The following HEXD variants were observed in gnomAD, a reference collection of about 807,000 sequenced individuals.
HEXD encodes the protein N-acetyl-beta-galactosaminidase.
Under a neutral mutation model 54.2 loss-of-function variants are expected in HEXD, and 47 were observed. That is an observed-to-expected ratio of 0.87 (90% CI 0.69 to 1.11). The LOEUF (loss-of-function observed/expected upper bound fraction) is 1.11, where lower values mean the gene tolerates loss of function less well. HEXD is among the 50% of genes least tolerant of loss of function. The pLI, the probability that HEXD is intolerant of heterozygous loss-of-function variation, is 0.00. For synonymous variants in HEXD, 293 were observed against 287.6 expected (o/e 1.02, Z -0.19); for missense variants, 576 against 649.2 (o/e 0.89, Z 1.23).
At chr17:82,424,645 T>G (rs1353385484) in intron 3 of HEXD, 142 bp downstream of exon 3, 2 of 580,184 alleles carry the variant, frequency 3.4e-6, no homozygotes, top group Non-Finnish European at 6.2e-6. Flanking sequence ...CTTTTTTGTC[T>G]TTTTAAATTC....
Position 82,441,161 on chromosome 17 carries a change from G to C in HEXD, c.1062-4G>C, listed in dbSNP as rs373568240. ...ACAGCTGTTCTCAGCAGGGCTCTCC[G>C]CAGGGAGGGGGCCGGCTCCTTCCCT... On this transcript the variant is annotated splice_region_variant and splice_polypyrimidine_tract_variant and intron_variant, in intron 10 of 12. Transcript: ENST00000327949. 2 of 1,613,252 alleles carry C rather than the reference G, an allele frequency of 1.2e-6. No homozygotes were observed. The highest frequency in any genetic ancestry group is 4.5e-5 in the East Asian group (2 of 44,884).
In HEXD at chr17:82,434,509, A is replaced by G. The variant is rs1298766779; in HGVS notation, c.447+687A>G. On this transcript the variant is annotated intron_variant, in intron 5 of 12. Transcript: ENST00000327949. This position sits in a 1 kb window ranked among gnomAD's most constrained non-coding sequence, Gnocchi z 4.5. The stretch of plus-strand genomic sequence containing the variant: ...TCCTTTTTTTGAAGGAAACCTGAGT[A>G]TGTAAAATACACTTAAGCTTTACCA... Among the ~76,000 whole-genome samples the G allele has an allele frequency of 6.6e-6, 1 of 152,224 alleles. No homozygotes were observed. Among genetic ancestry groups the G allele is most frequent in the African/African-American group, 2.4e-5 (1 of 41,456 alleles).
At chr17:82,433,120 ATATATATAT>A (rs1263964764) in intron 4 of HEXD, among the ~76,000 whole-genome samples, 18 of 18,196 alleles carry the variant, frequency 9.9e-4, no homozygotes, top group Non-Finnish European at 1.2e-3. Flanking sequence ...ATATATATAT[ATATATATAT>A]TTTTTTTTTT....
chr17:82,433,128 A>ATATATATTTT (rs71168109), intron 4 of HEXD, among the ~76,000 whole-genome samples: 1 of 13,072 alleles, frequency 7.6e-5, no homozygotes, highest in Non-Finnish European at 1.2e-4. Flanking sequence ...ATATATATAT[A>ATATATATTTT]TTTTTTTTTT....
At chr17:82,439,431 A>T (rs551113342) in intron 8 of HEXD, 200 bp from the exon 9 acceptor site, 3 of 985,338 alleles carry the variant, frequency 3.0e-6, no homozygotes, top group South Asian at 9.4e-5. Flanking sequence ...CGGTTTCTAG[A>T]ACGGAGTTGA....
chr17:82,424,325 C>G, intron 2 of HEXD, 69 bp from the exon 3 acceptor site: 1 of 973,924 alleles, frequency 1.0e-6, no homozygotes, highest in Non-Finnish European at 1.7e-6. Flanking sequence ...AGGCGTCTCC[C>G]TGCTGTGGAC....
At position 82,433,118 on chromosome 17, in the gene HEXD, ATATATATATATTT is replaced by A. The variant is rs1567890566; in HGVS notation, c.283-538_283-526del. ...TATATATATATATATATATATATATATATATATATATTTTTTTTTTTTTTTTATATATATATTT... is the reference window on the plus strand; with the variant it reads ...TATATATATATATATATATATATATATTTTTTTTTTTTTATATATATATTT... On this transcript the variant is annotated intron_variant, in intron 4 of 12. Coordinates refer to ENST00000327949, the MANE Select transcript of HEXD (RefSeq NM_001330542.2). 3.9e-4 allele frequency among the ~76,000 whole-genome samples: 7 copies of A among 18,008 alleles called. 1 individual carries two copies. Among genetic ancestry groups the A allele is most frequent in the Non-Finnish European group, 5.5e-4 (7 of 12,784 alleles). The allele number at this position is 18,008 out of a possible 152,430, so 11.8% of individuals were successfully genotyped here. A position where few individuals can be genotyped will look rare whatever the true frequency, so the allele number is the denominator to read the frequency against.
chr17:82,437,114 G>A lies in HEXD; in HGVS notation c.704-54G>A, dbSNP rs2053792701. Reference sequence around the variant, plus strand: ...GTACAGCCCCGGGAGGCGTGTCCAGGGCCGTGTTGGCCGCCTCCCCTGGAG... The same window carrying A: ...GTACAGCCCCGGGAGGCGTGTCCAGAGCCGTGTTGGCCGCCTCCCCTGGAG... On this transcript the variant is annotated intron_variant, in intron 7 of 12. Coordinates refer to ENST00000327949, the MANE Select transcript of HEXD (RefSeq NM_001330542.2). 2.0e-6 allele frequency: 3 copies of A among 1,472,254 alleles called. No individual in the cohort carries two copies. In the East Asian group the frequency reaches 6.9e-5, roughly 34 times the overall value. 91.2% of individuals were successfully genotyped at this position (1,472,254 alleles called of 1,614,324 possible).
chr17:82,440,420 AC>A lies in HEXD; in HGVS notation c.983-576del, dbSNP rs1162099931. ...AAAGGGGCAGAAACGATAAAAACAGACACCCCTGTACCCCACACTAAAGAGC... is the reference window on the plus strand; with the variant it reads ...AAAGGGGCAGAAACGATAAAAACAGAACCCCTGTACCCCACACTAAAGAGC... On this transcript the variant is annotated intron_variant, in intron 9 of 12. Transcript: ENST00000327949. The A allele has an allele frequency of 6.4e-6, 5 of 777,306 alleles. No individual in the cohort carries two copies. In the African/African-American group the frequency reaches 9.2e-5, roughly 14 times the overall value. 48.2% of individuals were successfully genotyped at this position (777,306 alleles called of 1,614,324 possible). A position where few individuals can be genotyped will look rare whatever the true frequency, so the allele number is the denominator to read the frequency against.
intron 2 of HEXD, 137 bp downstream of exon 2, chr17:82,420,020 G>T: frequency 2.5e-6 from 1 of 405,602 alleles, no homozygotes. Flanking sequence ...GGTGGCAGCA[G>T]CATTGATTTT....
At chr17:82,441,342 G>A (rs2053951049) in intron 11 of HEXD, 76 bp downstream of exon 11, 2 of 1,415,036 alleles carry the variant, frequency 1.4e-6, no homozygotes, top group Non-Finnish European at 1.9e-6. Context: ...GGGCAGGTGT[G>A]GGTGGGAGGC....
At chr17:82,433,094 AT>A (rs1567890410) in intron 4 of HEXD, among the ~76,000 whole-genome samples, 75 of 8,302 alleles carry the variant, frequency 9.0e-3, no homozygotes, top group Middle Eastern at 0.12. Flanking sequence ...AAAAAAAAAT[AT>A]ATATATATAT....
In HEXD at chr17:82,440,874, C is replaced by T. The variant is rs2053922338; in HGVS notation, c.983-123C>T. On this transcript the variant is annotated intron_variant, in intron 9 of 12. Coordinates refer to ENST00000327949, the MANE Select transcript of HEXD (RefSeq NM_001330542.2). Reference sequence around the variant, plus strand: ...GGGGCCGGCACACGCGGGGCTGGGCCTGGCCAGTGGCTCTCCATTGCCGCC... The same window carrying T: ...GGGGCCGGCACACGCGGGGCTGGGCTTGGCCAGTGGCTCTCCATTGCCGCC... 5 of 1,107,652 alleles carry T rather than the reference C, an allele frequency of 4.5e-6. No homozygotes were observed. In the East Asian group the frequency reaches 9.5e-5, roughly 21 times the overall value. The allele number at this position is 1,107,652 out of a possible 1,614,324, so 68.6% of individuals were successfully genotyped here.
At chr17:82,433,634 G>T (rs764395981) in intron 4 of HEXD, 24 bp from the exon 5 acceptor site, 4 of 1,527,882 alleles carry the variant, frequency 2.6e-6, no homozygotes, top group East Asian at 2.5e-5. Flanking sequence ...CGCCCCCAAC[G>T]CGAACTTCTC....
chr17:82,423,809 T>C (rs1396172153), intron 2 of HEXD, among the ~76,000 whole-genome samples: 2 of 131,306 alleles, frequency 1.5e-5, no homozygotes, highest in Non-Finnish European at 3.1e-5. Context: ...CGAGACTCCA[T>C]CTCAAAAAAA....
chr17:82,437,062 C>A, intron 7 of HEXD, 106 bp from the exon 8 acceptor site: 1 of 1,012,104 alleles, frequency 9.9e-7, no homozygotes, highest in Admixed American at 2.3e-5. Context: ...GCCTGGCTGT[C>A]TCAGGCGGCT....
intron 8 of HEXD, among the ~76,000 whole-genome samples, chr17:82,437,582 T>A (rs923644526): frequency 1.3e-5 from 2 of 152,000 alleles, no homozygotes; most frequent in Non-Finnish European, 2.9e-5. Context: ...CACGAACACG[T>A]GGCCCCCAGC....
In HEXD at chr17:82,434,874, G is replaced by A. The variant is rs560079211; in HGVS notation, c.448-815G>A. On this transcript the variant is annotated intron_variant, in intron 5 of 12. Coordinates refer to ENST00000327949, the MANE Select transcript of HEXD (RefSeq NM_001330542.2). This position sits in a 1 kb window ranked among gnomAD's most constrained non-coding sequence, Gnocchi z 4.5. ...GTAAATAAATAAATAGGCCAGGCAC[G>A]GTGGCTCACACTTGTGATCCCAGCA... 1.1e-4 allele frequency among the ~76,000 whole-genome samples: 16 copies of A among 151,556 alleles called. No individual in the cohort carries two copies. Among genetic ancestry groups the A allele is most frequent in the Non-Finnish European group, 2.1e-4 (14 of 67,898 alleles).
At chr17:82,431,230 C>G (rs1233524648) in intron 4 of HEXD, among the ~76,000 whole-genome samples, 1 of 152,038 alleles carries the variant, frequency 6.6e-6, no homozygotes, top group East Asian at 1.9e-4. Flanking sequence ...TCTCGAACCC[C>G]TGGCCTCAAA....
Sources: allele counts gnomAD v4.1 joint callset (sites outside exome capture counted in the v4.1 genomes callset), GRCh38; gene constraint gnomAD v4.1.1; non-coding constraint Gnocchi (gnomAD v3.1); transcripts MANE v1.5; gene names NCBI Gene and HGNC (gene_info 2026-07-23, HGNC 2026-07-21).